CNBD1: variants seen among roughly 807,000 people sequenced by gnomAD.
The protein encoded by CNBD1 is cyclic nucleotide-binding domain-containing protein 1.
A neutral mutation model predicts 54.4 loss-of-function variants in CNBD1; 71 were observed. The observed-to-expected ratio is 1.30, with a 90% confidence interval of 1.08 to 1.59. CNBD1 has a LOEUF of 1.59. Ranked by LOEUF, CNBD1 falls within the 40% of genes most tolerant of loss-of-function variation. CNBD1 has a pLI of 0.00. For synonymous variants in CNBD1, 182 were observed against 170.7 expected, an observed-to-expected ratio of 1.07 and a Z score of -0.51; for missense variants, 659 against 518.0, an observed-to-expected ratio of 1.27 and a Z score of -2.64.
At chr8:87,297,330 A>G (rs1482942573) in intron 8 of CNBD1, among the ~76,000 whole-genome samples, 1 of 152,036 alleles carries the variant, frequency 6.6e-6, no homozygotes, top group African/African-American at 2.4e-5. Flanking sequence ...GTGTTATTGT[A>G]CACTTACAGC....
rs147681727 is a variant in CNBD1 at position 86,892,277 on chromosome 8, A to ATAT, written c.158+4666_158+4667insTAT. Among the ~76,000 whole-genome samples the ATAT allele has an allele frequency of 9.9e-5, 15 of 152,212 alleles. No homozygotes were observed. In the East Asian group the frequency reaches 2.9e-3, roughly 29 times the overall value. On this transcript the variant is annotated intron_variant, in intron 2 of 10. Transcript: ENST00000518476. ...ATTAACAAAGGTCAAATACTTATAAAAACTATAACCCATGAACAGTTGGAT... is the reference window on the plus strand; with the variant it reads ...ATTAACAAAGGTCAAATACTTATAAATATAACTATAACCCATGAACAGTTGGAT...
At chr8:87,216,524 A>G (rs1025516113) in intron 5 of CNBD1, among the ~76,000 whole-genome samples, 1 of 152,188 alleles carries the variant, frequency 6.6e-6, no homozygotes, top group Non-Finnish European at 1.5e-5. Context: ...TAGATTTTCT[A>G]TAATCTCTTA....
chr8:87,038,948 G>A (rs577160262), intron 4 of CNBD1, among the ~76,000 whole-genome samples: 1 of 152,226 alleles, frequency 6.6e-6, no homozygotes, highest in African/African-American at 2.4e-5. Flanking sequence ...AAGCTTCTGT[G>A]GCCCTTTGAG....
At chr8:87,312,860 G>A (rs1240607211) in intron 8 of CNBD1, among the ~76,000 whole-genome samples, 3 of 151,988 alleles carry the variant, frequency 2.0e-5, no homozygotes, top group South Asian at 2.1e-4. Context: ...GTCTTAGATT[G>A]CCAAACTTCA....
chr8:87,263,051 C>T (rs1460924079), intron 6 of CNBD1, among the ~76,000 whole-genome samples: 1 of 151,908 alleles, frequency 6.6e-6, no homozygotes, highest in East Asian at 1.9e-4. Flanking sequence ...GAGAGACTTC[C>T]TAGGGTTAGT....
chr8:87,036,246 C>T (rs1031116747), intron 4 of CNBD1, among the ~76,000 whole-genome samples: 8 of 152,118 alleles, frequency 5.3e-5, no homozygotes, highest in African/African-American at 1.7e-4. Flanking sequence ...GTTTCTTCCT[C>T]GTATTTTAAA....
chr8:87,288,148 A>G (rs1808730106), intron 8 of CNBD1, among the ~76,000 whole-genome samples: 1 of 152,070 alleles, frequency 6.6e-6, no homozygotes, highest in African/African-American at 2.4e-5. Flanking sequence ...AAGTACCTGT[A>G]ATGATGATGC....
chr8:87,289,562 T>C (rs1051389952), intron 8 of CNBD1, among the ~76,000 whole-genome samples: 55 of 152,182 alleles, frequency 3.6e-4, no homozygotes, highest in Admixed American at 3.5e-3. Flanking sequence ...TTTGTTGTTT[T>C]CTTGCTTATG....
intron 4 of CNBD1, among the ~76,000 whole-genome samples, chr8:87,170,635 A>G (rs1586304509): frequency 6.6e-6 from 1 of 151,916 alleles, no homozygotes; most frequent in East Asian, 1.9e-4. Flanking sequence ...TTCTACACCT[A>G]GTTTTTTGGT....
intron 8 of CNBD1, among the ~76,000 whole-genome samples, chr8:87,309,230 C>A (rs1471220904): frequency 6.6e-6 from 1 of 152,110 alleles, no homozygotes; most frequent in Non-Finnish European, 1.5e-5. Context: ...CCTTTTTCTG[C>A]ATTCTCATCA....
chr8:87,339,169 C>T (rs1810012871), intron 8 of CNBD1, among the ~76,000 whole-genome samples: 1 of 152,134 alleles, frequency 6.6e-6, no homozygotes. Context: ...TGAAGTATTT[C>T]AAATTGTTCT....
chr8:87,110,732 C>G (rs991977232), intron 4 of CNBD1, among the ~76,000 whole-genome samples: 1 of 152,170 alleles, frequency 6.6e-6, no homozygotes, highest in East Asian at 1.9e-4. Flanking sequence ...GTATTCAGTT[C>G]CTTTTAGACT....
intron 2 of CNBD1, among the ~76,000 whole-genome samples, chr8:86,889,204 A>T (rs1481406417): frequency 6.6e-6 from 1 of 152,196 alleles, no homozygotes; most frequent in Admixed American, 6.5e-5. Context: ...TGTTAGAAAT[A>T]CAATATATAG....
intron 2 of CNBD1, among the ~76,000 whole-genome samples, chr8:87,408,383 A>G (rs1030328484): frequency 6.6e-6 from 1 of 151,350 alleles, no homozygotes; most frequent in Non-Finnish European, 1.5e-5. Context: ...CTTTATTTTT[A>G]GATACATATA....
At chr8:87,215,824 C>A (rs1296813389) in intron 5 of CNBD1, among the ~76,000 whole-genome samples, 1 of 152,118 alleles carries the variant, frequency 6.6e-6, no homozygotes, top group Non-Finnish European at 1.5e-5. Context: ...GGAACCATCA[C>A]AGCATCCAGT....
chr8:87,349,591 TCTCAAACTCCTGAC>T (rs1270844759), intron 8 of CNBD1, among the ~76,000 whole-genome samples: 1 of 152,184 alleles, frequency 6.6e-6, no homozygotes, highest in Non-Finnish European at 1.5e-5. Context: ...GGCCAGGTGT[TCTCAAACTCCTGAC>T]CTCAGATGAT....
chr8:87,283,324 T>C (rs1311947132), intron 6 of CNBD1, among the ~76,000 whole-genome samples: 2 of 152,094 alleles, frequency 1.3e-5, no homozygotes, highest in Non-Finnish European at 2.9e-5. Flanking sequence ...TCTTTTAGGT[T>C]GTTCAATTTT....
At chr8:87,327,772 T>A (rs1809715939) in intron 8 of CNBD1, among the ~76,000 whole-genome samples, 1 of 152,180 alleles carries the variant, frequency 6.6e-6, no homozygotes, top group South Asian at 2.1e-4. Context: ...TCTGCGTCGC[T>A]CACGCTGGGA....
intron 8 of CNBD1, among the ~76,000 whole-genome samples, chr8:87,308,749 G>A (rs1003076319): frequency 6.6e-6 from 1 of 151,868 alleles, no homozygotes; most frequent in Admixed American, 6.6e-5. Context: ...CCTCTCCCCT[G>A]ACCCTTCCTA....
Sources: allele counts gnomAD v4.1 joint callset (sites outside exome capture counted in the v4.1 genomes callset), GRCh38; gene constraint gnomAD v4.1.1; transcripts MANE v1.5; gene names NCBI Gene and HGNC (gene_info 2026-07-23, HGNC 2026-07-21).